OR14A2: variants seen among roughly 807,000 people sequenced by gnomAD.
The protein encoded by OR14A2 is olfactory receptor 14A2.
For synonymous variants in OR14A2, 114 were observed against 58.6 expected (o/e 1.95, Z -4.32); for missense variants, 237 against 152.9 (o/e 1.55, Z -2.90).
the OR14A2 span, chr1:247,739,504 C>A: frequency 1.3e-6 from 1 of 780,824 alleles, no homozygotes; most frequent in Non-Finnish European, 2.4e-6. Flanking sequence ...GACATTAAAT[C>A]CGCTCTGAGT....
chr1:247,737,993 G>A, the OR14A2 span, among the ~76,000 whole-genome samples: 1 of 152,010 alleles, frequency 6.6e-6, no homozygotes, highest in Non-Finnish European at 1.5e-5. Context: ...TGAAAATAAC[G>A]AGTACTTTTT....
chr1:247,733,698 A>G, the OR14A2 span, among the ~76,000 whole-genome samples: 1 of 152,202 alleles, frequency 6.6e-6, no homozygotes, highest in East Asian at 1.9e-4. Context: ...AACAAAATGA[A>G]CAAAAGACAA....
chr1:247,724,326 C>T (rs1660283618), upstream of OR14A2, among the ~76,000 whole-genome samples: 1 of 152,022 alleles, frequency 6.6e-6, no homozygotes, highest in Non-Finnish European at 1.5e-5. Flanking sequence ...TTACAAGACA[C>T]ATGTAACTTG....
chr1:247,738,480 T>A, the OR14A2 span: 1 of 605,144 alleles, frequency 1.7e-6, no homozygotes, highest in Non-Finnish European at 2.9e-6. Context: ...AATTGCTTGA[T>A]ATTTTTAAAC....
At chr1:247,728,118 C>T (rs1365147711), upstream of OR14A2, among the ~76,000 whole-genome samples, 1 of 150,456 alleles carries the variant, frequency 6.6e-6, no homozygotes, top group Non-Finnish European at 1.5e-5. Flanking sequence ...GAGACACAAC[C>T]AAAAAAGAGA....
At chr1:247,733,994 AC>A in the OR14A2 span, among the ~76,000 whole-genome samples, 3 of 152,218 alleles carry the variant, frequency 2.0e-5, no homozygotes, top group Non-Finnish European at 2.9e-5. Flanking sequence ...GTATTAAAAA[AC>A]AAATGGAAAT....
chr1:247,729,400 C>T, the OR14A2 span, among the ~76,000 whole-genome samples: 2 of 151,970 alleles, frequency 1.3e-5, no homozygotes, highest in African/African-American at 2.4e-5. Flanking sequence ...CAGTGATAAC[C>T]AAGCTATGTA....
At chr1:247,743,094 A>AT in the OR14A2 span, among the ~76,000 whole-genome samples, 2 of 152,150 alleles carry the variant, frequency 1.3e-5, no homozygotes, top group African/African-American at 4.8e-5. Context: ...ATGGAAATCT[A>AT]TTTTTTTCCA....
chr1:247,724,830 G>A (rs553625874), upstream of OR14A2, among the ~76,000 whole-genome samples: 2 of 152,092 alleles, frequency 1.3e-5, no homozygotes, highest in Admixed American at 1.3e-4. Context: ...CATCCTAACT[G>A]AATAATTTTT....
chr1:247,723,436 C>T, exon 1 of OR14A2: 2 of 717,562 alleles, frequency 2.8e-6, no homozygotes, highest in East Asian at 2.7e-5. Context: ...AATGCTTAAA[C>T]ATGCACCAAC....
At chr1:247,746,105 A>G in the OR14A2 span, 1 of 152,212 alleles carries the variant, frequency 6.6e-6, no homozygotes, top group Non-Finnish European at 1.5e-5. Flanking sequence ...ATCCAATGAA[A>G]TTCATGCCGT....
At chr1:247,742,932 G>A in the OR14A2 span, among the ~76,000 whole-genome samples, 1 of 152,042 alleles carries the variant, frequency 6.6e-6, no homozygotes, top group Non-Finnish European at 1.5e-5. Flanking sequence ...ATCAAATATG[G>A]CACCACTAGA....
At chr1:247,731,834 T>G in the OR14A2 span, among the ~76,000 whole-genome samples, 1 of 152,262 alleles carries the variant, frequency 6.6e-6, no homozygotes, top group African/African-American at 2.4e-5. Flanking sequence ...TGCTTCAACA[T>G]CTGGTTCATC....
At chr1:247,740,942 A>AT in the OR14A2 span, among the ~76,000 whole-genome samples, 1 of 152,198 alleles carries the variant, frequency 6.6e-6, no homozygotes, top group African/African-American at 2.4e-5. Context: ...ATGTAATAAA[A>AT]TATGTTTCTA....
upstream of OR14A2, among the ~76,000 whole-genome samples, chr1:247,726,092 C>T (rs1660345329): frequency 7.4e-6 from 1 of 135,678 alleles, no homozygotes; most frequent in Non-Finnish European, 1.5e-5. Flanking sequence ...TTCTAGATCC[C>T]TGAGGAATCG....
chr1:247,734,440 A>T, the OR14A2 span, among the ~76,000 whole-genome samples: 1 of 152,200 alleles, frequency 6.6e-6, no homozygotes, highest in Non-Finnish European at 1.5e-5. Context: ...ACAAACAAAT[A>T]CAGATTTGGA....
chr1:247,730,353 C>G, the OR14A2 span, among the ~76,000 whole-genome samples: 1 of 152,080 alleles, frequency 6.6e-6, no homozygotes, highest in African/African-American at 2.4e-5. Flanking sequence ...CCCTGCATAA[C>G]TGCACCCAAC....
At chr1:247,747,632 G>A in the OR14A2 span, among the ~76,000 whole-genome samples, 4 of 152,118 alleles carry the variant, frequency 2.6e-5, no homozygotes, top group African/African-American at 9.7e-5. Flanking sequence ...AAAGTGCTGG[G>A]ATTACAGGCG....
chr1:247,724,919 C>T (rs1415407661), upstream of OR14A2, among the ~76,000 whole-genome samples: 2 of 151,838 alleles, frequency 1.3e-5, no homozygotes, highest in East Asian at 3.9e-4. Flanking sequence ...ATATTTCCCT[C>T]AATTATTAGT....
Sources: gnomAD v4.1 joint callset for allele counts (sites outside exome capture counted in the v4.1 genomes callset) on GRCh38, gnomAD v4.1.1 for gene constraint, MANE v1.5 for transcripts, NCBI Gene and HGNC (gene_info 2026-07-23, HGNC 2026-07-21) for gene names.